ZC3H13: variants seen among roughly 807,000 people sequenced by gnomAD.
ZC3H13 encodes the protein zinc finger CCCH domain-containing protein 13.
ZC3H13 carries 64 observed loss-of-function variants against 204.1 expected under a neutral mutation model. The ratio of observed to expected loss-of-function variants is 0.31; its 90% CI spans 0.26 to 0.39. The LOEUF (loss-of-function observed/expected upper bound fraction) is 0.39. Among genes scored for constraint, ZC3H13 ranks in the 10% least tolerant of loss-of-function variants. The pLI is 1.00. For synonymous variants in ZC3H13, 667 were observed against 693.7 expected (o/e 0.96, Z 0.60); for missense variants, 1,833 against 2,082.7 (o/e 0.88, Z 2.33).
chr13:46,000,114 C>T (rs1042928274), intron 8 of ZC3H13, among the ~76,000 whole-genome samples: 1 of 152,178 alleles, frequency 6.6e-6, no homozygotes, highest in African/African-American at 2.4e-5. Context: ...TAGCATAATT[C>T]TTAAAAATCC....
At chr13:46,042,045 G>A (rs1484912038) in intron 4 of ZC3H13, 119 bp downstream of exon 4, 6 of 741,420 alleles carry the variant, frequency 8.1e-6, no homozygotes, top group Non-Finnish European at 1.3e-5. Flanking sequence ...TATCCATATA[G>A]AACATTATAA....
intron 9 of ZC3H13, among the ~76,000 whole-genome samples, chr13:45,988,579 C>G (rs1383272781): frequency 6.6e-6 from 1 of 152,100 alleles, no homozygotes; most frequent in Non-Finnish European, 1.5e-5. Context: ...CTAAAGAAAG[C>G]ACCAGCTTAG....
At chr13:46,033,601 G>A (rs151302927) in intron 4 of ZC3H13, among the ~76,000 whole-genome samples, 2 of 152,160 alleles carry the variant, frequency 1.3e-5, no homozygotes, top group African/African-American at 4.8e-5. Flanking sequence ...AGATCTATAC[G>A]CATTTCCTAG....
chr13:46,018,109 A>C (rs1195681974), intron 5 of ZC3H13, among the ~76,000 whole-genome samples: 2 of 152,172 alleles, frequency 1.3e-5, no homozygotes, highest in Admixed American at 1.3e-4. Flanking sequence ...AGGAAGATAC[A>C]AAACTGAAGA....
chr13:46,044,405 A>C (rs2043801419), intron 3 of ZC3H13, among the ~76,000 whole-genome samples: 1 of 152,068 alleles, frequency 6.6e-6, no homozygotes, highest in South Asian at 2.1e-4. Context: ...AAGCAAGTTT[A>C]ATCTAGCCAA....
At chr13:46,042,656 A>G (rs1483263128) in intron 3 of ZC3H13, among the ~76,000 whole-genome samples, 1 of 152,148 alleles carries the variant, frequency 6.6e-6, no homozygotes, top group Non-Finnish European at 1.5e-5. Context: ...TGTAGTAGTA[A>G]CACAAAGTTT....
chr13:46,045,129 A>G, intron 2 of ZC3H13, 65 bp from the exon 3 acceptor site: 1 of 1,409,952 alleles, frequency 7.1e-7, no homozygotes, highest in South Asian at 1.3e-5. Flanking sequence ...TGCTAGCGGG[A>G]CAAAATTAAA....
intron 7 of ZC3H13, 105 bp downstream of exon 7, chr13:46,010,243 T>C (rs190278973): frequency 3.4e-6 from 4 of 1,164,632 alleles, no homozygotes; most frequent in Admixed American, 2.9e-5. Flanking sequence ...AAAGCTTACA[T>C]TAAATATAAA....
intron 15 of ZC3H13, 88 bp downstream of exon 15, chr13:45,967,416 T>C: frequency 6.9e-7 from 1 of 1,450,058 alleles, no homozygotes; most frequent in Non-Finnish European, 9.2e-7. Context: ...TGCCCATTAG[T>C]GGGTGCCCTT....
intron 18 of ZC3H13, 71 bp from the exon 19 acceptor site, chr13:45,957,368 C>T (rs1453456498): frequency 7.9e-7 from 1 of 1,272,236 alleles, no homozygotes; most frequent in Non-Finnish European, 1.0e-6. Flanking sequence ...GGCAGGTTAA[C>T]CTCTACCCAA....
At position 45,957,112 on chromosome 13, in the gene ZC3H13, T is replaced by C; in HGVS notation, c.*15A>G. The C allele has an allele frequency of 2.7e-6, 4 of 1,463,954 alleles. No homozygotes were observed. The highest frequency in any genetic ancestry group is 3.6e-6 in the Non-Finnish European group (4 of 1,096,938). The allele number at this position is 1,463,954 out of a possible 1,614,324, so 90.7% of individuals were successfully genotyped here. On this transcript the variant is annotated 3_prime_UTR_variant, in exon 19 of 19. Transcript: ENST00000679008. ...AAGGAAGACAGTACCAAAAATACCA[T>C]ATTGAACTTCGGTCTTAAGACACAC...
intron 5 of ZC3H13, among the ~76,000 whole-genome samples, chr13:46,013,092 C>T (rs1162703411): frequency 1.3e-5 from 2 of 152,030 alleles, no homozygotes; most frequent in African/African-American, 4.8e-5. Flanking sequence ...ACTATCCAAC[C>T]AAGGGGGAGA....
chr13:46,010,286 ATTC>A, intron 7 of ZC3H13, 59 bp downstream of exon 7: 1 of 1,458,436 alleles, frequency 6.9e-7, no homozygotes. Flanking sequence ...TAACCTACTA[ATTC>A]TTTTTAGTAT....
chr13:46,034,761 A>C (rs1020725112), intron 4 of ZC3H13, among the ~76,000 whole-genome samples: 5 of 152,154 alleles, frequency 3.3e-5, no homozygotes, highest in African/African-American at 1.2e-4. Context: ...AAATTTAAAA[A>C]AAAGGCTCAG....
Position 46,003,199 on chromosome 13 carries a change from CTT to C in ZC3H13, c.882_883del (p.Asp296TrpfsTer9). 1 of 1,613,014 alleles carries C rather than the reference CTT, an allele frequency of 6.2e-7. No homozygotes were observed. The highest frequency in any genetic ancestry group is 8.5e-7 in the Non-Finnish European group (1 of 1,179,756). On this transcript the variant is annotated frameshift_variant, in exon 8 of 19. Transcript: ENST00000679008. LOFTEE classifies it high-confidence loss of function. Reference sequence around the variant, plus strand: ...ATCTCGTCCTCTGTCCTTTCCATCTCTTGTTTTTTCTTCTATCCTGTCTTTTA... The same window carrying C: ...ATCTCGTCCTCTGTCCTTTCCATCTCGTTTTTTCTTCTATCCTGTCTTTTA...
chr13:46,007,337 A>C (rs773974228), intron 7 of ZC3H13, among the ~76,000 whole-genome samples: 4 of 152,192 alleles, frequency 2.6e-5, no homozygotes, highest in South Asian at 4.1e-4. Flanking sequence ...CTATAGAGCT[A>C]AATAACTGCA....
chr13:46,002,947 G>A (rs1267151873), intron 8 of ZC3H13, among the ~76,000 whole-genome samples, 192 bp downstream of exon 8: 1 of 151,838 alleles, frequency 6.6e-6, no homozygotes, highest in African/African-American at 2.4e-5. Flanking sequence ...AAAATAAATT[G>A]TAAAAATTAA....
At chr13:45,960,471 C>T (rs1951600878) in intron 17 of ZC3H13, among the ~76,000 whole-genome samples, 2 of 152,070 alleles carry the variant, frequency 1.3e-5, no homozygotes, top group South Asian at 4.1e-4. Context: ...TGTTAGATAA[C>T]CTGCAAACTT....
At chr13:46,022,042 G>A (rs2042248094) in intron 4 of ZC3H13, among the ~76,000 whole-genome samples, 1 of 151,794 alleles carries the variant, frequency 6.6e-6, no homozygotes, top group African/African-American at 2.4e-5. Flanking sequence ...CAGTAGTGCT[G>A]GTGCTGCAAA....
Sources: allele counts gnomAD v4.1 joint callset (sites outside exome capture counted in the v4.1 genomes callset), GRCh38; gene constraint gnomAD v4.1.1; transcripts MANE v1.5; gene names NCBI Gene and HGNC (gene_info 2026-07-23, HGNC 2026-07-21).